The following GPCPD1 variants were observed in gnomAD, a reference collection of about 807,000 sequenced individuals.
GPCPD1 encodes glycerophosphocholine phosphodiesterase 1.
In GPCPD1, 29 loss-of-function variants were observed where a neutral mutation model predicts 89.2. That is an observed-to-expected ratio of 0.33 (90% confidence interval 0.24 to 0.44). The LOEUF is 0.44. Among genes scored for constraint, GPCPD1 ranks in the 20% least tolerant of loss-of-function variants. The pLI is 1.00. For synonymous variants in GPCPD1, 258 were observed against 266.3 expected (o/e 0.97, Z 0.30); for missense variants, 594 against 808.9 (o/e 0.73, Z 3.22).
At chr20:5,569,110 C>T (rs1316795387) in intron 12 of GPCPD1, among the ~76,000 whole-genome samples, 5 of 151,860 alleles carry the variant, frequency 3.3e-5, no homozygotes, top group African/African-American at 9.7e-5. Context: ...CTCCCCTCCC[C>T]TCCCCTTCCT....
At chr20:5,602,730 C>T (rs942399436) in intron 2 of GPCPD1, among the ~76,000 whole-genome samples, 1 of 152,192 alleles carries the variant, frequency 6.6e-6, no homozygotes, top group Non-Finnish European at 1.5e-5. Flanking sequence ...CACCTGTAAT[C>T]TCAGCACTTT....
chr20:5,547,692 GCAT>G lies in GPCPD1; in HGVS notation c.1985_1987del (p.Asp662del). ...ATTCTCCACGTTATCAATGCCGTTG[GCAT>G]CCACATGGATATCAGACTCCCCACA... On this transcript the variant is annotated inframe_deletion, in exon 20 of 20. Transcript: ENST00000379019. 1 of 1,605,874 alleles carries G rather than the reference GCAT, an allele frequency of 6.2e-7. No homozygotes were observed. Among genetic ancestry groups the G allele is most frequent in the South Asian group, 1.1e-5 (1 of 90,488 alleles).
At chr20:5,565,982 ATAAAC>A (rs1360357243) in intron 14 of GPCPD1, among the ~76,000 whole-genome samples, 2 of 152,254 alleles carry the variant, frequency 1.3e-5, no homozygotes, top group Admixed American at 1.3e-4. Flanking sequence ...TTCCAGCAGA[ATAAAC>A]TAAAGGTAAA....
Position 5,573,954 on chromosome 20 carries a change from T to A in GPCPD1, c.1017A>T (p.Gln339His). 4 of 1,509,080 alleles carry A rather than the reference T, an allele frequency of 2.7e-6. No homozygotes were observed. The highest frequency in any genetic ancestry group is 3.7e-6 in the Non-Finnish European group (4 of 1,084,206). The allele number at this position is 1,509,080 out of a possible 1,614,324, so 93.5% of individuals were successfully genotyped here. Reference protein sequence around the residue: ...STTTAQLAKVQENTIASLRNA... With the variant: ...STTTAQLAKVHENTIASLRNA... ...TTCTTAAAGAAGCAATAGTATTTTCTTGAACTTTAGCCAGCCTGAAAAGAA... is the reference window on the plus strand; with the variant it reads ...TTCTTAAAGAAGCAATAGTATTTTCATGAACTTTAGCCAGCCTGAAAAGAA... Residue 339 changes from glutamine (Q) to histidine (H), a missense_variant, in exon 11 of 20, where the codon CAA (glutamine) becomes CAT (histidine). Gln to His is a conservative substitution (Grantham distance 24). Coordinates refer to ENST00000379019, the MANE Select transcript of GPCPD1 (RefSeq NM_019593.5).
intron 4 of GPCPD1, among the ~76,000 whole-genome samples, chr20:5,588,711 G>A (rs1271015783): frequency 6.6e-6 from 1 of 152,106 alleles, no homozygotes; most frequent in African/African-American, 2.4e-5. Context: ...TGTAATCCTA[G>A]GTACTTGGGA....
intron 7 of GPCPD1, among the ~76,000 whole-genome samples, chr20:5,579,671 A>G (rs1978329259): frequency 6.6e-6 from 1 of 152,268 alleles, no homozygotes; most frequent in African/African-American, 2.4e-5. Context: ...CTGGGATTAC[A>G]GGCGTGAGCC....
chr20:5,588,413 G>A (rs181633671), intron 4 of GPCPD1, among the ~76,000 whole-genome samples: 233 of 152,240 alleles, frequency 1.5e-3, no homozygotes, highest in Non-Finnish European at 2.9e-3. Flanking sequence ...GCTGAGGCAC[G>A]AGAATTGCTT....
chr20:5,604,774 T>TACCTAC (rs1555811053), intron 1 of GPCPD1, among the ~76,000 whole-genome samples: 1 of 139,072 alleles, frequency 7.2e-6, no homozygotes, highest in Non-Finnish European at 1.5e-5. Flanking sequence ...GCCTCATGTC[T>TACCTAC]ACACACACAC....
At chr20:5,579,639 C>G (rs561741398) in intron 7 of GPCPD1, among the ~76,000 whole-genome samples, 1 of 152,224 alleles carries the variant, frequency 6.6e-6, no homozygotes, top group African/African-American at 2.4e-5. Flanking sequence ...TGAGCCACTG[C>G]ACCCATTGGC....
chr20:5,592,565 G>A (rs529385214), intron 4 of GPCPD1, among the ~76,000 whole-genome samples: 1 of 152,260 alleles, frequency 6.6e-6, no homozygotes, highest in Non-Finnish European at 1.5e-5. Flanking sequence ...AACACTTAAT[G>A]ACTCCCAAAG....
chr20:5,581,992 G>A (rs1244649609), intron 6 of GPCPD1, among the ~76,000 whole-genome samples: 1 of 147,650 alleles, frequency 6.8e-6, no homozygotes, highest in Non-Finnish European at 1.5e-5. Context: ...AGACCATCCT[G>A]GCTAACACGG....
chr20:5,569,997 G>A, intron 12 of GPCPD1, 150 bp downstream of exon 12: 1 of 537,204 alleles, frequency 1.9e-6, no homozygotes. Flanking sequence ...AATGTTGCAA[G>A]AGCATGAGAG....
chr20:5,609,986 A>C (rs1271784368), intron 1 of GPCPD1, among the ~76,000 whole-genome samples: 1 of 152,288 alleles, frequency 6.6e-6, no homozygotes, highest in Non-Finnish European at 1.5e-5. Context: ...GCGACAGAAG[A>C]GTATGAAGAA....
intron 10 of GPCPD1, 74 bp downstream of exon 10, chr20:5,575,339 G>T: frequency 1.9e-6 from 2 of 1,031,286 alleles, no homozygotes; most frequent in Non-Finnish European, 2.8e-6. Flanking sequence ...TTTGACCTTT[G>T]CTGAGAAAAC....
intron 1 of GPCPD1, among the ~76,000 whole-genome samples, chr20:5,606,574 A>G (rs1031027812): frequency 1.3e-5 from 2 of 152,162 alleles, no homozygotes; most frequent in African/African-American, 2.4e-5. Flanking sequence ...ACCAAAGGCA[A>G]TTCTTCCCTC....
rs1358965262 is a variant in GPCPD1, at chr20:5,570,181, T to C, written c.1115A>G (p.Tyr372Cys). The C allele has an allele frequency of 6.3e-7, 1 of 1,588,354 alleles. No homozygotes were observed. Among genetic ancestry groups the C allele is most frequent in the Non-Finnish European group, 8.6e-7 (1 of 1,157,472 alleles). Residue 372 changes from tyrosine to cysteine, a missense_variant, in exon 12 of 20, where the codon TAT becomes TGT. Tyr to Cys is a radical substitution (Grantham distance 194, BLOSUM62 -2). Transcript: ENST00000379019. ...AGTCAAACAACAGGTAAGATCATGA[T>C]ATACCACGGGCACAAAGTCCTTTGA... ...HLSKDFVPVV[Y>C]HDLTCCLTMK...
At chr20:5,549,505 C>A in intron 19 of GPCPD1, 2 of 1,129,790 alleles carry the variant, frequency 1.8e-6, no homozygotes, top group African/African-American at 1.5e-5. Context: ...GAGTATTCTT[C>A]TGAGTATTCT....
Position 5,580,014 on chromosome 20 carries a change from C to A in GPCPD1, c.467G>T (p.Arg156Ile). ...CACATAAACATGGTCATACCTAAAT[C>A]TAGATTTTTTTAATTTTTTCTTGGT... ...SITKKKLKKS[R>I]FRVKLTLEGL... The change falls in exon 7 of 20, where the codon AGA becomes ATA. Residue 156 changes from arginine (R) to isoleucine (I), a missense_variant. By Grantham distance (97) the Arg-to-Ile change is moderately conservative (BLOSUM62 -3). Transcript: ENST00000379019. The A allele has an allele frequency of 6.5e-7, 1 of 1,538,146 alleles. No individual in the cohort carries two copies. Among genetic ancestry groups the A allele is most frequent in the South Asian group, 1.1e-5 (1 of 87,862 alleles).
chr20:5,563,005 C>G (rs6076851), intron 15 of GPCPD1, among the ~76,000 whole-genome samples: 3 of 146,800 alleles, frequency 2.0e-5, no homozygotes, highest in Non-Finnish European at 4.5e-5. Context: ...TTTTTTGAGA[C>G]GGAGTCTCGC....
Sources: allele counts gnomAD v4.1 joint callset (sites outside exome capture counted in the v4.1 genomes callset), GRCh38; gene constraint gnomAD v4.1.1; transcripts MANE v1.5; gene names NCBI Gene and HGNC (gene_info 2026-07-23, HGNC 2026-07-21).